The following LRIF1 variants were observed in gnomAD, a reference collection of about 807,000 sequenced individuals.
LRIF1 encodes ligand-dependent nuclear receptor-interacting factor 1.
A neutral mutation model predicts 52.7 loss-of-function variants in LRIF1; 32 were observed. The observed-to-expected ratio is 0.61, with a 90% confidence interval of 0.46 to 0.82. The LOEUF (loss-of-function observed/expected upper bound fraction) is 0.82. Ranked by LOEUF, LRIF1 falls within the 40% of genes least tolerant of loss-of-function variation. The pLI, the probability that LRIF1 is intolerant of heterozygous loss-of-function variation, is 0.00. For synonymous variants in LRIF1, 323 were observed against 317.4 expected (o/e 1.02, Z -0.19); for missense variants, 887 against 892.0 (o/e 0.99, Z 0.07).
the LRIF1 span, among the ~76,000 whole-genome samples, chr1:110,923,074 G>C: frequency 6.6e-6 from 1 of 152,198 alleles, no homozygotes; most frequent in African/African-American, 2.4e-5. Context: ...GGAGGCTGAG[G>C]CGGGCGGATT....
chr1:110,946,508 G>C (rs1164620265), downstream of LRIF1, among the ~76,000 whole-genome samples: 1 of 152,044 alleles, frequency 6.6e-6, no homozygotes, highest in Non-Finnish European at 1.5e-5. Context: ...GAATTATATT[G>C]CAAAACAGCT....
At chr1:110,930,676 A>G in the LRIF1 span, among the ~76,000 whole-genome samples, 1 of 152,172 alleles carries the variant, frequency 6.6e-6, no homozygotes, top group East Asian at 1.9e-4. Flanking sequence ...TAATGCTTCA[A>G]TCTATGAATT....
Position 110,950,142 on chromosome 1 carries a change from AAC to A in LRIF1, c.1597-21_1597-20del, listed in dbSNP as rs747333362. The A allele has an allele frequency of 6.3e-7, 1 of 1,590,632 alleles. No homozygotes were observed. The highest frequency in any genetic ancestry group is 1.7e-5 in the Admixed American group (1 of 57,272). On this transcript the variant is annotated intron_variant, in intron 2 of 3. Transcript: ENST00000369763. ...TATGGATCTGGAATTAGGAAAAGAA[AAC>A]ACACAAACAATACTGCTAATTATTC...
chr1:110,935,458 A>G, the LRIF1 span, among the ~76,000 whole-genome samples: 1 of 152,264 alleles, frequency 6.6e-6, no homozygotes, highest in Non-Finnish European at 1.5e-5. Flanking sequence ...GAAGGAATTC[A>G]GAATTTGATC....
chr1:110,946,498 G>T (rs1364935725), downstream of LRIF1, among the ~76,000 whole-genome samples: 2 of 152,078 alleles, frequency 1.3e-5, no homozygotes, highest in Non-Finnish European at 2.9e-5. Context: ...TACAGTACAT[G>T]AATTATATTG....
the LRIF1 span, among the ~76,000 whole-genome samples, chr1:110,920,397 C>A: frequency 2.0e-5 from 3 of 152,128 alleles, no homozygotes; most frequent in South Asian, 6.2e-4. Flanking sequence ...ATGAAGGAAC[C>A]CTAAATGCAT....
intron 1 of LRIF1, among the ~76,000 whole-genome samples, chr1:110,953,714 C>T (rs1658576724): frequency 6.6e-6 from 1 of 152,124 alleles, no homozygotes; most frequent in Non-Finnish European, 1.5e-5. Context: ...ATATCTAAAA[C>T]ATTTTTCAGC....
At chr1:110,949,423 CTT>C (rs1006521534) in intron 3 of LRIF1, among the ~76,000 whole-genome samples, 19 of 131,122 alleles carry the variant, frequency 1.4e-4, no homozygotes, top group Non-Finnish European at 1.5e-4. Context: ...TGGCCTGGTT[CTT>C]TTTTTTTTTT....
chr1:110,904,230 C>G, the LRIF1 span, among the ~76,000 whole-genome samples: 5 of 152,204 alleles, frequency 3.3e-5, no homozygotes, highest in Admixed American at 3.3e-4. Context: ...GGACGCAGGC[C>G]TGGTTGGCTT....
chr1:110,952,490 C>T lies in LRIF1; in HGVS notation c.394G>A (p.Val132Ile), dbSNP rs1300510765. The T allele has an allele frequency of 1.2e-6, 2 of 1,613,228 alleles. No individual in the cohort carries two copies. Among genetic ancestry groups the T allele is most frequent in the Non-Finnish European group, 1.7e-6 (2 of 1,179,376 alleles). The part of the protein sequence containing the change: ...SVGTGNFSSS[V>I]SKVQSHGVKI... ...ACACCATGACTCTGAACTTTAGAAA[C>T]TGATGAAGAAAAATTTCCAGTTCCC... The change falls in exon 2 of 4, where the codon GTT (valine) becomes ATT (isoleucine). Residue 132 changes from valine to isoleucine, a missense_variant. By Grantham distance (29) the Val-to-Ile change is conservative (BLOSUM62 3). Transcript: ENST00000369763.
intron 1 of LRIF1, among the ~76,000 whole-genome samples, chr1:110,960,393 G>T (rs1658901718): frequency 6.6e-6 from 1 of 151,942 alleles, no homozygotes; most frequent in Non-Finnish European, 1.5e-5. Flanking sequence ...AATGCATACT[G>T]AACTGACAAT....
the LRIF1 span, chr1:110,936,227 C>T: frequency 6.6e-6 from 1 of 152,040 alleles, no homozygotes; most frequent in Non-Finnish European, 1.5e-5. Flanking sequence ...AAGAAAAGGA[C>T]ATTAACAAGC....
chr1:110,941,888 T>C, the LRIF1 span: 3 of 152,166 alleles, frequency 2.0e-5, no homozygotes, highest in Non-Finnish European at 4.4e-5. Flanking sequence ...ACTAGTATTT[T>C]ATCTTTCCTG....
intron 1 of LRIF1, among the ~76,000 whole-genome samples, chr1:110,960,330 T>TCA (rs1002696153): frequency 2.6e-5 from 4 of 151,810 alleles, no homozygotes; most frequent in East Asian, 3.9e-4. Flanking sequence ...TGTCTCTCCC[T>TCA]CACACACACA....
intron 1 of LRIF1, among the ~76,000 whole-genome samples, chr1:110,955,538 G>A (rs1570945538): frequency 1.3e-5 from 2 of 152,218 alleles, no homozygotes; most frequent in Non-Finnish European, 2.9e-5. Flanking sequence ...AAGGAACAGA[G>A]GATTTTAAGA....
At chr1:110,934,750 C>T in the LRIF1 span, among the ~76,000 whole-genome samples, 8 of 152,204 alleles carry the variant, frequency 5.3e-5, no homozygotes, top group African/African-American at 1.2e-4. Flanking sequence ...TCTGGACCTA[C>T]GCAGGGCCTG....
chr1:110,904,634 C>T, the LRIF1 span, among the ~76,000 whole-genome samples: 2 of 152,138 alleles, frequency 1.3e-5, no homozygotes, highest in African/African-American at 4.8e-5. Flanking sequence ...CACTCAAGTC[C>T]TTTTGAATAT....
chr1:110,951,579 A>G lies in LRIF1; in HGVS notation c.1305T>C (p.Ala435=). 4 of 1,614,154 alleles carry G rather than the reference A, an allele frequency of 2.5e-6. No individual in the cohort carries two copies. Among genetic ancestry groups the G allele is most frequent in the Non-Finnish European group, 3.4e-6 (4 of 1,180,022 alleles). Residue 435 remains alanine, a synonymous_variant, in exon 2 of 4, where the codon GCT becomes GCC. Coordinates refer to ENST00000369763, the MANE Select transcript of LRIF1 (RefSeq NM_018372.4). ...ETKSLSNTQL[A]SMANLRAEKN... is the part of the protein sequence containing the mutation. ...TCTCTGCCCTTAGATTGGCCATGGA[A>G]GCAAGCTGGGTATTGGAAAGTGATT...
At chr1:110,913,829 GAC>G in the LRIF1 span, among the ~76,000 whole-genome samples, 2 of 152,040 alleles carry the variant, frequency 1.3e-5, no homozygotes, top group East Asian at 1.9e-4. Context: ...CTACCAAAAA[GAC>G]ACACACACTT....
Sources: allele counts gnomAD v4.1 joint callset (sites outside exome capture counted in the v4.1 genomes callset), GRCh38; gene constraint gnomAD v4.1.1; transcripts MANE v1.5; gene names NCBI Gene and HGNC (gene_info 2026-07-23, HGNC 2026-07-21).